Variants in TMEM26 observed in about 807,000 individuals in gnomAD.
TMEM26 encodes the protein transmembrane protein 26.
In TMEM26, 38 loss-of-function variants were observed where a neutral mutation model predicts 28.8. The ratio of observed to expected loss-of-function variants is 1.32; its 90% confidence interval spans 1.02 to 1.73. TMEM26 has a LOEUF of 1.73. Ranked by LOEUF, TMEM26 falls within the 40% of genes most tolerant of loss-of-function variation. The pLI, the probability that TMEM26 is intolerant of heterozygous loss-of-function variation, is 0.00. For synonymous variants in TMEM26, 227 were observed against 182.9 expected (o/e 1.24, Z -1.95); for missense variants, 518 against 447.1 (o/e 1.16, Z -1.43).
At chr10:61,421,802 C>T (rs1000155284) in intron 4 of TMEM26, among the ~76,000 whole-genome samples, 1 of 152,040 alleles carries the variant, frequency 6.6e-6, no homozygotes, top group East Asian at 1.9e-4. Flanking sequence ...TTTAAGCCAC[C>T]ATGTTTGTGG....
intron 2 of TMEM26, among the ~76,000 whole-genome samples, chr10:61,431,829 C>T (rs918092786): frequency 5.9e-5 from 9 of 151,904 alleles, no homozygotes; most frequent in Admixed American, 5.9e-4. Context: ...TTCCATCACC[C>T]AGGTAGTGAG....
At chr10:61,421,521 G>A (rs886352968) in intron 4 of TMEM26, among the ~76,000 whole-genome samples, 3 of 152,090 alleles carry the variant, frequency 2.0e-5, no homozygotes, top group Non-Finnish European at 4.4e-5. Flanking sequence ...ATATGGATTA[G>A]GGTGGGCCCT....
At chr10:61,412,165 G>A (rs1428376253) in intron 5 of TMEM26, among the ~76,000 whole-genome samples, 8 of 152,122 alleles carry the variant, frequency 5.3e-5, no homozygotes, top group Admixed American at 5.2e-4. Flanking sequence ...AGTATCTAAT[G>A]TGATGGCACC....
At chr10:61,447,512 T>C (rs989110611) in intron 1 of TMEM26, among the ~76,000 whole-genome samples, 1 of 152,226 alleles carries the variant, frequency 6.6e-6, no homozygotes, top group Non-Finnish European at 1.5e-5. Context: ...TCCTTTCTGT[T>C]TCCTAACTTG....
intron 1 of TMEM26, among the ~76,000 whole-genome samples, chr10:61,450,430 C>T (rs1020503258): frequency 1.3e-5 from 2 of 152,138 alleles, no homozygotes; most frequent in African/African-American, 2.4e-5. Flanking sequence ...AGGATAATTT[C>T]CTACATGTTT....
At chr10:61,418,027 G>A (rs981998411) in intron 4 of TMEM26, among the ~76,000 whole-genome samples, 2 of 151,960 alleles carry the variant, frequency 1.3e-5, no homozygotes, top group Non-Finnish European at 2.9e-5. Context: ...GGAATCTGAA[G>A]CATTCTTACC....
At chr10:61,420,800 G>T (rs72825281) in intron 4 of TMEM26, among the ~76,000 whole-genome samples, 1 of 151,086 alleles carries the variant, frequency 6.6e-6, no homozygotes, top group Non-Finnish European at 1.5e-5. Context: ...CTTTCAGGTC[G>T]AAAGGAAATT....
At chr10:61,423,108 A>G (rs1315902527) in intron 4 of TMEM26, among the ~76,000 whole-genome samples, 1 of 152,196 alleles carries the variant, frequency 6.6e-6, no homozygotes, top group Non-Finnish European at 1.5e-5. Flanking sequence ...ATAAAATAGA[A>G]AAATTCCTAG....
rs539311780 is a variant in TMEM26 at position 61,410,340 on chromosome 10, G to A, written c.1089C>T (p.Asp363=). The A allele has an allele frequency of 6.8e-6, 11 of 1,611,684 alleles. No individual in the cohort carries two copies. Among genetic ancestry groups the A allele is most frequent in the African/African-American group, 5.3e-5 (4 of 75,010 alleles). ...PLRGSPVTSD[D]SHHTP is the part of the protein sequence containing the mutation. The stretch of plus-strand genomic sequence containing the variant: ...TCAATAACTAAGGGGTGTGGTGGGA[G>A]TCGTCGGAGGTGACTGGGGAGCCCC... Residue 363 remains aspartate, a synonymous_variant, in exon 6 of 6, where the codon GAC becomes GAT. Transcript: ENST00000399298.
chr10:61,449,620 G>A (rs886097217), intron 1 of TMEM26, among the ~76,000 whole-genome samples: 1 of 152,140 alleles, frequency 6.6e-6, no homozygotes, highest in Non-Finnish European at 1.5e-5. Flanking sequence ...AATACTCAAA[G>A]TAGCCCAGAG....
At chr10:61,432,040 G>A (rs1237191990) in intron 2 of TMEM26, among the ~76,000 whole-genome samples, 1 of 151,978 alleles carries the variant, frequency 6.6e-6, no homozygotes, top group Non-Finnish European at 1.5e-5. Flanking sequence ...CTTCATTCAT[G>A]TTACTGCAAA....
chr10:61,424,650 C>T (rs1011059816), intron 4 of TMEM26, among the ~76,000 whole-genome samples: 60 of 152,272 alleles, frequency 3.9e-4, no homozygotes, highest in Non-Finnish European at 5.9e-5. Flanking sequence ...TTTTGGAAGA[C>T]TTACAATATC....
At chr10:61,443,856 A>G (rs551283364) in intron 1 of TMEM26, among the ~76,000 whole-genome samples, 1 of 152,350 alleles carries the variant, frequency 6.6e-6, no homozygotes, top group Non-Finnish European at 1.5e-5. Context: ...AAACTCCAGC[A>G]ATATGTTTCA....
rs1839514505 is a variant in TMEM26, at chr10:61,407,780, TGGGGGGA to T, written c.*2535_*2541del. On this transcript the variant is annotated 3_prime_UTR_variant, in exon 6 of 6. Coordinates refer to ENST00000399298, the MANE Select transcript of TMEM26 (RefSeq NM_178505.8). ...GGTTGGGGAGTGACCTACTGTGTGT[TGGGGGGA>T]GGGGTTATGATAGAGAGGATGACTT... 1 of 152,032 alleles carries T rather than the reference TGGGGGGA, an allele frequency of 6.6e-6. No homozygotes were observed. The highest frequency in any genetic ancestry group is 6.6e-5 in the Admixed American group (1 of 15,244). 9.4% of individuals were successfully genotyped at this position (152,032 alleles called of 1,614,324 possible).
chr10:61,443,946 G>T (rs770768916), intron 1 of TMEM26, among the ~76,000 whole-genome samples: 1 of 152,106 alleles, frequency 6.6e-6, no homozygotes, highest in Non-Finnish European at 1.5e-5. Flanking sequence ...AAATATTTCA[G>T]AAGAAAAGAA....
chr10:61,428,759 T>A (rs1298911416), intron 4 of TMEM26, among the ~76,000 whole-genome samples, 167 bp downstream of exon 4: 1 of 152,146 alleles, frequency 6.6e-6, no homozygotes, highest in Non-Finnish European at 1.5e-5. Context: ...ACATAAAGAC[T>A]GTGCTCGTTT....
At position 61,419,831 on chromosome 10, in the gene TMEM26, C is replaced by G. The variant is rs185169935; in HGVS notation, c.606-6296G>C. On this transcript the variant is annotated intron_variant, in intron 4 of 5. Transcript: ENST00000399298. ...TAATTTACAGGTGTAAGAAGATCAACAAAGCCCTAGAATAAGTAAAAGCAA... is the reference window on the plus strand; with the variant it reads ...TAATTTACAGGTGTAAGAAGATCAAGAAAGCCCTAGAATAAGTAAAAGCAA... 3.3e-5 allele frequency among the ~76,000 whole-genome samples: 5 copies of G among 152,142 alleles called. No individual in the cohort carries two copies. In the East Asian group the frequency reaches 7.7e-4, roughly 23 times the overall value.
At chr10:61,439,089 G>GT (rs1358211835) in intron 1 of TMEM26, among the ~76,000 whole-genome samples, 1 of 152,166 alleles carries the variant, frequency 6.6e-6, no homozygotes, top group African/African-American at 2.4e-5. Flanking sequence ...TTCTGCAATG[G>GT]TTTTACAGCA....
intron 4 of TMEM26, among the ~76,000 whole-genome samples, chr10:61,423,005 T>C (rs923936324): frequency 1.3e-5 from 2 of 151,804 alleles, no homozygotes; most frequent in Non-Finnish European, 2.9e-5. Context: ...AACTCAAGAA[T>C]GAAAAAGGAG....
Sources: gnomAD v4.1 joint callset for allele counts (sites outside exome capture counted in the v4.1 genomes callset) on GRCh38, gnomAD v4.1.1 for gene constraint, MANE v1.5 for transcripts, NCBI Gene and HGNC (gene_info 2026-07-23, HGNC 2026-07-21) for gene names.